MC1R: variants seen among roughly 807,000 people sequenced by gnomAD.
MC1R encodes the protein melanocortin 1 receptor.
For synonymous variants in MC1R, 263 were observed against 203.8 expected (o/e 1.29, Z -2.47); for missense variants, 542 against 430.0 (o/e 1.26, Z -2.30).
chr16:89,919,940 C>T lies in MC1R; in HGVS notation c.682C>T (p.Gln228Ter), dbSNP rs367706159. 2.5e-6 allele frequency: 4 copies of T among 1,611,164 alleles called. No homozygotes were observed. Among genetic ancestry groups the T allele is most frequent in the East Asian group, 4.5e-5 (2 of 44,882 alleles). The part of the protein sequence containing the change: ...AQGIARLHKR[Q>*]RPVHQGFGLK... The stretch of plus-strand genomic sequence containing the variant: ...GGGCATCGCCCGGCTCCACAAGAGG[C>T]AGCGCCCGGTCCACCAGGGCTTTGG... The change falls in exon 1 of 1, where the codon CAG (glutamine) becomes TAG (stop). Residue 228 changes from glutamine to a stop codon, truncating the protein, a stop_gained. Transcript: ENST00000555147. LOFTEE classifies it low-confidence loss of function (END_TRUNC).
At position 89,920,296 on chromosome 16, in the gene MC1R, T is replaced by C; in HGVS notation, c.*84T>C. ...CTGGTTCCTGTGTGACCCTGGGCAG[T>C]TCCTTACCTCCCTGGTCCCCGTTTG... On this transcript the variant is annotated 3_prime_UTR_variant, in exon 1 of 1. Coordinates refer to ENST00000555147, the MANE Select transcript of MC1R (RefSeq NM_002386.4). 3 of 1,143,258 alleles carry C rather than the reference T, an allele frequency of 2.6e-6. No individual in the cohort carries two copies. The Admixed American group carries it at 6.3e-5, about 24-fold the overall frequency. The allele number at this position is 1,143,258 out of a possible 1,614,324, so 70.8% of individuals were successfully genotyped here.
In MC1R at chr16:89,919,742, C is replaced by T. The variant is rs553516665; in HGVS notation, c.484C>T (p.Arg162Trp). The T allele has an allele frequency of 1.0e-5, 16 of 1,606,522 alleles. No individual in the cohort carries two copies. The highest frequency in any genetic ancestry group is 4.4e-5 in the South Asian group (4 of 91,074). ...YHSIVTLPRA[R>W]RAVAAIWVAS... ...CAGCATCGTGACCCTGCCGCGGGCG[C>T]GGCGAGCCGTTGCGGCCATCTGGGT... The change falls in exon 1 of 1, where the codon CGG becomes TGG. Residue 162 changes from arginine (R) to tryptophan (W), a missense_variant. Physicochemically the swap from Arg to Trp is moderately radical, Grantham distance 101. Transcript: ENST00000555147.
chr16:89,919,738 G>T lies in MC1R; in HGVS notation c.480G>T (p.Arg160=), dbSNP rs747608998. 1 of 1,606,474 alleles carries T rather than the reference G, an allele frequency of 6.2e-7. No homozygotes were observed. Residue 160 remains arginine (R), a synonymous_variant, in exon 1 of 1, where the codon CGG becomes CGT. Coordinates refer to ENST00000555147, the MANE Select transcript of MC1R (RefSeq NM_002386.4). ...LRYHSIVTLP[R]ARRAVAAIWV... ...ACCACAGCATCGTGACCCTGCCGCGGGCGCGGCGAGCCGTTGCGGCCATCT... is the reference window on the plus strand; with the variant it reads ...ACCACAGCATCGTGACCCTGCCGCGTGCGCGGCGAGCCGTTGCGGCCATCT...
chr16:89,920,448 A>T lies in MC1R; in HGVS notation c.*236A>T. ...GCAGTCGTGGGGAACGGAGGAGGAC[A>T]TGGGGAGGTTGTGGGGCCTCAGGCT... On this transcript the variant is annotated 3_prime_UTR_variant, in exon 1 of 1. Coordinates refer to ENST00000555147, the MANE Select transcript of MC1R (RefSeq NM_002386.4). The T allele has an allele frequency of 1.6e-6, 1 of 619,528 alleles. No individual in the cohort carries two copies. The highest frequency in any genetic ancestry group is 2.9e-6 in the Non-Finnish European group (1 of 341,356). The allele number at this position is 619,528 out of a possible 1,614,324, so 38.4% of individuals were successfully genotyped here. A position where few individuals can be genotyped will look rare whatever the true frequency, so the allele number is the denominator to read the frequency against.
Position 89,919,627 on chromosome 16 carries a change from C to A in MC1R, c.369C>A (p.Ile123=). Residue 123 remains isoleucine (I), a synonymous_variant, in exon 1 of 1, where the codon ATC becomes ATA. Transcript: ENST00000555147. Reference sequence around the variant, plus strand: ...AGCTGGACAATGTCATTGACGTGATCACCTGCAGCTCCATGCTGTCCAGCC... The same window carrying A: ...AGCTGGACAATGTCATTGACGTGATAACCTGCAGCTCCATGCTGTCCAGCC... The part of the protein sequence containing the change: ...LQQLDNVIDV[I]TCSSMLSSLC... The A allele has an allele frequency of 6.2e-7, 1 of 1,607,476 alleles. No individual in the cohort carries two copies. The highest frequency in any genetic ancestry group is 8.5e-7 in the Non-Finnish European group (1 of 1,179,804).
Position 89,919,994 on chromosome 16 carries a change from C to T in MC1R, c.736C>T (p.Leu246=), listed in dbSNP as rs1260587387. 6.2e-7 allele frequency: 1 copy of T among 1,613,502 alleles called. No individual in the cohort carries two copies. The highest frequency in any genetic ancestry group is 8.5e-7 in the Non-Finnish European group (1 of 1,179,892). Residue 246 remains leucine (L), a synonymous_variant, in exon 1 of 1, where the codon CTG becomes TTG. Transcript: ENST00000555147. ...TAAAGGCGCTGTCACCCTCACCATC[C>T]TGCTGGGCATTTTCTTCCTCTGCTG... is the stretch of plus-strand genomic sequence containing the variant. ...GLKGAVTLTI[L]LGIFFLCWGP...
In MC1R at chr16:89,920,119, C is replaced by T. The variant is rs373957223; in HGVS notation, c.861C>T (p.Ile287=). The change falls in exon 1 of 1, where the codon ATC becomes ATT. Residue 287 remains isoleucine (I), a synonymous_variant. Transcript: ENST00000555147. ...ACTTCAACCTCTTTCTCGCCCTCAT[C>T]ATCTGCAATGCCATCATCGACCCCC... ...FKNFNLFLAL[I]ICNAIIDPLI... The T allele has an allele frequency of 1.2e-6, 2 of 1,613,988 alleles. No homozygotes were observed. Among genetic ancestry groups the T allele is most frequent in the Non-Finnish European group, 1.7e-6 (2 of 1,179,890 alleles).
rs574552620 is a variant in MC1R at position 89,919,740 on chromosome 16, C to T, written c.482C>T (p.Ala161Val). Reference sequence around the variant, plus strand: ...CACAGCATCGTGACCCTGCCGCGGGCGCGGCGAGCCGTTGCGGCCATCTGG... The same window carrying T: ...CACAGCATCGTGACCCTGCCGCGGGTGCGGCGAGCCGTTGCGGCCATCTGG... ...RYHSIVTLPR[A>V]RRAVAAIWVA... The change falls in exon 1 of 1, where the codon GCG becomes GTG. Residue 161 changes from alanine (A) to valine (V), a missense_variant. By Grantham distance (64) the Ala-to-Val change is moderately conservative. Transcript: ENST00000555147. The T allele has an allele frequency of 3.5e-5, 57 of 1,606,372 alleles. No homozygotes were observed. The Middle Eastern group carries it at 6.6e-4, about 19-fold the overall frequency.
chr16:89,919,805 T>G lies in MC1R; in HGVS notation c.547T>G (p.Tyr183Asp), dbSNP rs373044118. ...VVFSTLFIAY[Y>D]DHVAVLLCLV... ...CTTCAGCACGCTCTTCATCGCCTAC[T>G]ACGACCACGTGGCCGTCCTGCTGTG... Residue 183 changes from tyrosine to aspartate, a missense_variant, in exon 1 of 1, where the codon TAC becomes GAC. By Grantham distance (160) the Tyr-to-Asp change is radical. Transcript: ENST00000555147. The G allele has an allele frequency of 1.7e-5, 28 of 1,607,662 alleles. No homozygotes were observed. Among genetic ancestry groups the G allele is most frequent in the Non-Finnish European group, 2.1e-5 (25 of 1,179,612 alleles).
In MC1R at chr16:89,919,643, C is replaced by T. The variant is rs2045695312; in HGVS notation, c.385C>T (p.Leu129=). 6.2e-7 allele frequency: 1 copy of T among 1,606,952 alleles called. No homozygotes were observed. Among genetic ancestry groups the T allele is most frequent in the Non-Finnish European group, 8.5e-7 (1 of 1,179,688 alleles). The change falls in exon 1 of 1, where the codon CTG becomes TTG. Residue 129 remains leucine (L), a synonymous_variant. Coordinates refer to ENST00000555147, the MANE Select transcript of MC1R (RefSeq NM_002386.4). ...VIDVITCSSM[L]SSLCFLGAIA... ...TGACGTGATCACCTGCAGCTCCATG[C>T]TGTCCAGCCTCTGCTTCCTGGGCGC...
rs2045705764 is a variant in MC1R, at chr16:89,920,097, TC to T, written c.840del (p.Phe280LeufsTer34). ...HPTCGCIFKNFNLFLALIICN... is the reference protein window; with the variant it reads ...HPTCGCIFKNXNLFLALIICN... Reference sequence around the variant, plus strand: ...ACGTGCGGCTGCATCTTCAAGAACTTCAACCTCTTTCTCGCCCTCATCATCT... The same window carrying T: ...ACGTGCGGCTGCATCTTCAAGAACTTAACCTCTTTCTCGCCCTCATCATCT... On this transcript the variant is annotated frameshift_variant, in exon 1 of 1. Coordinates refer to ENST00000555147, the MANE Select transcript of MC1R (RefSeq NM_002386.4). LOFTEE classifies it high-confidence loss of function. The T allele has an allele frequency of 6.8e-6, 11 of 1,613,800 alleles. No homozygotes were observed. The South Asian group carries it at 1.1e-4, about 16-fold the overall frequency.
At position 89,919,768 on chromosome 16, in the gene MC1R, G is replaced by A. The variant is rs778831502; in HGVS notation, c.510G>A (p.Val170=). Residue 170 remains valine (V), a synonymous_variant, in exon 1 of 1, where the codon GTG becomes GTA. Coordinates refer to ENST00000555147, the MANE Select transcript of MC1R (RefSeq NM_002386.4). ...GGCGAGCCGTTGCGGCCATCTGGGT[G>A]GCCAGTGTCGTCTTCAGCACGCTCT... ...RARRAVAAIW[V]ASVVFSTLFI... The A allele has an allele frequency of 3.7e-6, 6 of 1,608,616 alleles. No individual in the cohort carries two copies. The Admixed American group carries it at 8.3e-5, about 22-fold the overall frequency.
Position 89,918,979 on chromosome 16 carries a change from A to C in MC1R, c.-280A>C, listed in dbSNP as rs2045684524. 3 of 493,776 alleles carry C rather than the reference A, an allele frequency of 6.1e-6. No individual in the cohort carries two copies. The highest frequency in any genetic ancestry group is 2.9e-5 in the South Asian group (1 of 34,518). 30.6% of individuals were successfully genotyped at this position (493,776 alleles called of 1,614,324 possible). On this transcript the variant is annotated 5_prime_UTR_variant, in exon 1 of 1. Transcript: ENST00000555147. The stretch of plus-strand genomic sequence containing the variant: ...GAGCAGCAGCCACCAGGGAAGAGGC[A>C]GGGAGGGAGCTGAGGACCAGGCTTG...
Position 89,919,835 on chromosome 16 carries a change from G to A in MC1R, c.577G>A (p.Val193Met), listed in dbSNP as rs527673999. ...YDHVAVLLCL[V>M]VFFLAMLVLM... is the part of the protein sequence containing the mutation. The stretch of plus-strand genomic sequence containing the variant: ...CCACGTGGCCGTCCTGCTGTGCCTC[G>A]TGGTCTTCTTCCTGGCTATGCTGGT... Residue 193 changes from valine (V) to methionine (M), a missense_variant, in exon 1 of 1, where the codon GTG (valine) becomes ATG (methionine). Coordinates refer to ENST00000555147, the MANE Select transcript of MC1R (RefSeq NM_002386.4). 4.4e-5 allele frequency: 71 copies of A among 1,606,692 alleles called. 2 individuals carry two copies. The highest frequency in any genetic ancestry group is 3.0e-4 in the South Asian group (27 of 91,074).
In MC1R at chr16:89,919,837, G is replaced by A; in HGVS notation, c.579G>A (p.Val193=). ...YDHVAVLLCL[V]VFFLAMLVLM... ...ACGTGGCCGTCCTGCTGTGCCTCGT[G>A]GTCTTCTTCCTGGCTATGCTGGTGC... Residue 193 remains valine (V), a synonymous_variant, in exon 1 of 1, where the codon GTG becomes GTA. Coordinates refer to ENST00000555147, the MANE Select transcript of MC1R (RefSeq NM_002386.4). 6.2e-7 allele frequency: 1 copy of A among 1,606,776 alleles called. No individual in the cohort carries two copies.
Position 89,919,224 on chromosome 16 carries a change from C to A in MC1R, c.-35C>A, listed in dbSNP as rs768463479. The A allele has an allele frequency of 2.1e-6, 3 of 1,442,876 alleles. No individual in the cohort carries two copies. Among genetic ancestry groups the A allele is most frequent in the Admixed American group, 2.3e-5 (1 of 44,032 alleles). 89.4% of individuals were successfully genotyped at this position (1,442,876 alleles called of 1,614,324 possible). On this transcript the variant is annotated 5_prime_UTR_variant, in exon 1 of 1. Coordinates refer to ENST00000555147, the MANE Select transcript of MC1R (RefSeq NM_002386.4). ...GGAAGAACTGTGGGGACCTGGAGGCCTCCAACGACTCCTTCCTGCTTCCTG... is the reference window on the plus strand; with the variant it reads ...GGAAGAACTGTGGGGACCTGGAGGCATCCAACGACTCCTTCCTGCTTCCTG...
In MC1R at chr16:89,920,500, T is replaced by A; in HGVS notation, c.*288T>A. 1.6e-6 allele frequency: 1 copy of A among 618,404 alleles called. No homozygotes were observed. Among genetic ancestry groups the A allele is most frequent in the South Asian group, 2.0e-5 (1 of 50,448 alleles). 38.3% of individuals were successfully genotyped at this position (618,404 alleles called of 1,614,324 possible). The stretch of plus-strand genomic sequence containing the variant: ...CGGGCACCAGGGGCCAACCTCAGGC[T>A]CCTAAAGAGACATTTTCCGCCCACT... On this transcript the variant is annotated 3_prime_UTR_variant, in exon 1 of 1. Transcript: ENST00000555147.
At position 89,920,181 on chromosome 16, in the gene MC1R, C is replaced by T. The variant is rs375127718; in HGVS notation, c.923C>T (p.Thr308Met). The change falls in exon 1 of 1, where the codon ACG (threonine) becomes ATG (methionine). Residue 308 changes from threonine to methionine, a missense_variant. Physicochemically the swap from Thr to Met is moderately conservative, Grantham distance 81. Coordinates refer to ENST00000555147, the MANE Select transcript of MC1R (RefSeq NM_002386.4). ...YAFHSQELRR[T>M]LKEVLTCSW Reference sequence around the variant, plus strand: ...TTCCACAGCCAGGAGCTCCGCAGGACGCTCAAGGAGGTGCTGACATGCTCC... The same window carrying T: ...TTCCACAGCCAGGAGCTCCGCAGGATGCTCAAGGAGGTGCTGACATGCTCC... 4.6e-5 allele frequency: 74 copies of T among 1,613,896 alleles called. 1 individual carries two copies. The Middle Eastern group carries it at 4.9e-4, about 11-fold the overall frequency.
In MC1R at chr16:89,919,553, C is replaced by A. The variant is rs768902395; in HGVS notation, c.295C>A (p.Leu99Ile). Residue 99 changes from leucine to isoleucine, a missense_variant, in exon 1 of 1, where the codon CTC becomes ATC. By Grantham distance (5) the Leu-to-Ile change is conservative (BLOSUM62 2). Coordinates refer to ENST00000555147, the MANE Select transcript of MC1R (RefSeq NM_002386.4). ...GSNVLETAVI[L>I]LLEAGALVAR... Reference sequence around the variant, plus strand: ...CAACGTGCTGGAGACGGCCGTCATCCTCCTGCTGGAGGCCGGTGCACTGGT... The same window carrying A: ...CAACGTGCTGGAGACGGCCGTCATCATCCTGCTGGAGGCCGGTGCACTGGT... The A allele has an allele frequency of 1.3e-5, 21 of 1,612,276 alleles. No homozygotes were observed. The highest frequency in any genetic ancestry group is 1.6e-4 in the Middle Eastern group (1 of 6,082).
Sources: allele counts gnomAD v4.1 joint callset, GRCh38; gene constraint gnomAD v4.1.1; transcripts MANE v1.5; gene names NCBI Gene and HGNC (gene_info 2026-07-23, HGNC 2026-07-21).